BET1: variants seen among roughly 807,000 people sequenced by gnomAD.
The protein encoded by BET1 is Bet1 golgi vesicular membrane trafficking protein, also known as BET1 homolog.
A neutral mutation model predicts 13.9 loss-of-function variants in BET1; 9 were observed. The observed-to-expected ratio is 0.65, with a 90% CI of 0.39 to 1.13. The LOEUF is 1.13. Among genes scored for constraint, BET1 ranks in the 50% most tolerant of loss-of-function variants. The probability of loss-of-function intolerance (pLI) is 0.01; values close to 1 mark genes in which losing one functional copy is unlikely to be tolerated. For synonymous variants in BET1, 39 were observed against 47.3 expected (o/e 0.82, Z 0.72); for missense variants, 127 against 133.6 (o/e 0.95, Z 0.24).
At chr7:93,967,518 A>G (rs1165009863) in intron 6 of BET1, among the ~76,000 whole-genome samples, 1 of 151,850 alleles carries the variant, frequency 6.6e-6, no homozygotes, top group Non-Finnish European at 1.5e-5. Flanking sequence ...GAAAGGAAAC[A>G]TTTAGAATAT....
At position 93,996,155 on chromosome 7, in the gene BET1, C is replaced by T. The variant is rs561997891; in HGVS notation, c.201+110G>A. ...TCCAAACACATTAGATACAAATGGA[C>T]GGGAATCAAGGACTTACGATCTCTG... On this transcript the variant is annotated intron_variant, in intron 3 of 3. Transcript: ENST00000222547. 1.4e-4 allele frequency: 113 copies of T among 809,018 alleles called. No individual in the cohort carries two copies. In the East Asian group the frequency reaches 2.5e-3, roughly 18 times the overall value. 50.1% of individuals were successfully genotyped at this position (809,018 alleles called of 1,614,324 possible).
At chr7:93,992,761 C>G, downstream of BET1, 8 of 917,194 alleles carry the variant, frequency 8.7e-6, no homozygotes, top group Non-Finnish European at 1.0e-5. Context: ...AACATATTAT[C>G]TACTTCTCAC....
exon 7 of BET1, chr7:93,963,067 A>T (rs1795118274): frequency 6.6e-6 from 1 of 152,148 alleles, no homozygotes; most frequent in African/African-American, 2.4e-5. Context: ...GACTTCATCA[A>T]GCCCATGTCA....
chr7:93,992,795 G>A (rs1795663346), downstream of BET1: 3 of 905,970 alleles, frequency 3.3e-6, no homozygotes, highest in Non-Finnish European at 4.0e-6. Context: ...AATAGATGGT[G>A]TAATGAAGAA....
intron 2 of BET1, among the ~76,000 whole-genome samples, chr7:93,998,777 G>C (rs59693678): frequency 0.021 from 3,166 of 152,224 alleles, 106 homozygotes; most frequent in East Asian, 0.13. Flanking sequence ...CAGAAAGACA[G>C]TGTAAGACTC....
At position 93,986,391 on chromosome 7, in the gene BET1, A is replaced by G. The variant is rs547364434; in HGVS notation, c.235+7961T>C. Among the ~76,000 whole-genome samples, 203 of 152,310 alleles carry G rather than the reference A, an allele frequency of 1.3e-3. 1 individual carries two copies. Among genetic ancestry groups the G allele is most frequent in the African/African-American group, 4.8e-3 (199 of 41,560 alleles). ...AAATGAGAATGGATTGCCTGTTCTG[A>G]AAGTTGGAAACAAAAACTCTTTTCT... On this transcript the variant is annotated intron_variant and NMD_transcript_variant, in intron 4 of 6. Transcript: ENST00000357520.
At chr7:94,000,674 T>C (rs1185680251) in intron 1 of BET1, among the ~76,000 whole-genome samples, 2 of 152,088 alleles carry the variant, frequency 1.3e-5, no homozygotes, top group Non-Finnish European at 2.9e-5. Flanking sequence ...AATCTATAGT[T>C]GGAAGCTTAT....
At chr7:93,991,668 G>A (rs1795638114), downstream of BET1, 1 of 374,522 alleles carries the variant, frequency 2.7e-6, no homozygotes, top group Non-Finnish European at 3.7e-6. Context: ...AAACTGAGAT[G>A]GAGAGGTCAT....
downstream of BET1, among the ~76,000 whole-genome samples, chr7:93,989,141 G>C (rs986700125): frequency 2.6e-5 from 4 of 151,552 alleles, no homozygotes; most frequent in African/African-American, 9.7e-5. Context: ...AGCCTCCCGA[G>C]TAGCTGGGAT....
intron 6 of BET1, among the ~76,000 whole-genome samples, chr7:93,970,986 G>A (rs1276846209): frequency 1.3e-5 from 2 of 151,696 alleles, no homozygotes; most frequent in East Asian, 1.9e-4. Context: ...TGCTATTATC[G>A]AAAGTTTTAA....
chr7:93,995,960 C>T (rs1267429861), intron 3 of BET1: 5 of 396,046 alleles, frequency 1.3e-5, no homozygotes, highest in African/African-American at 4.2e-5. Context: ...TACTAGTAGT[C>T]TCTACTATTG....
downstream of BET1, chr7:93,992,168 T>C (rs534601623): frequency 3.0e-6 from 3 of 985,336 alleles, no homozygotes; most frequent in African/African-American, 5.2e-5. Context: ...AAATGCCAGG[T>C]AGAGACCTAC....
intron 1 of BET1, among the ~76,000 whole-genome samples, chr7:94,000,871 T>G (rs1027572126): frequency 6.6e-6 from 1 of 152,132 alleles, no homozygotes; most frequent in Non-Finnish European, 1.5e-5. Flanking sequence ...ACACAGTTGC[T>G]TGCACCTATA....
chr7:93,990,706 TAAAG>T (rs1487403181), downstream of BET1, among the ~76,000 whole-genome samples: 4 of 152,220 alleles, frequency 2.6e-5, no homozygotes, highest in South Asian at 2.1e-4. Flanking sequence ...CTAAATGTCA[TAAAG>T]ACTTTGTAGA....
At chr7:93,987,972 A>G (rs1795558482) in intron 4 of BET1, among the ~76,000 whole-genome samples, 1 of 152,222 alleles carries the variant, frequency 6.6e-6, no homozygotes, top group Admixed American at 6.5e-5. Flanking sequence ...TAATGGCTAA[A>G]ATATTGTACC....
At chr7:94,003,174 A>C (rs1460717013) in intron 1 of BET1, among the ~76,000 whole-genome samples, 1 of 151,876 alleles carries the variant, frequency 6.6e-6, no homozygotes, top group Non-Finnish European at 1.5e-5. Flanking sequence ...GCTCAAAATT[A>C]TTTCTTTTTT....
intron 1 of BET1, among the ~76,000 whole-genome samples, chr7:94,002,458 TAA>T (rs79526205): frequency 0.32 from 40,748 of 127,872 alleles, 6,298 homozygotes; most frequent in East Asian, 0.44. Context: ...AGCTTTTTTT[TAA>T]AAAAAAAAAA....
chr7:93,975,454 A>G (rs1356702521), intron 5 of BET1, among the ~76,000 whole-genome samples: 2 of 152,102 alleles, frequency 1.3e-5, no homozygotes, highest in East Asian at 3.9e-4. Context: ...AAATCTCTAC[A>G]ATGAGCATGT....
intron 4 of BET1, among the ~76,000 whole-genome samples, chr7:93,982,531 C>T (rs924979930): frequency 5.3e-5 from 8 of 152,130 alleles, no homozygotes; most frequent in African/African-American, 1.9e-4. Context: ...AATGTGTATA[C>T]ATCCTGTCCT....
Sources: gnomAD v4.1 joint callset for allele counts (sites outside exome capture counted in the v4.1 genomes callset) on GRCh38, gnomAD v4.1.1 for gene constraint, MANE v1.5 for transcripts, NCBI Gene and HGNC (gene_info 2026-07-23, HGNC 2026-07-21) for gene names.